Variants in CDKN2B observed in about 807,000 individuals in gnomAD.
CDKN2B encodes cyclin-dependent kinase 4 inhibitor B.
A neutral mutation model predicts 7.7 loss-of-function variants in CDKN2B; 8 were observed. The observed-to-expected ratio is 1.04, with a 90% CI of 0.61 to 1.87. The LOEUF is 1.87. Ranked by LOEUF, CDKN2B falls within the 40% of genes most tolerant of loss-of-function variation. The probability of loss-of-function intolerance (pLI) is 0.00; values close to 1 mark genes in which losing one functional copy is unlikely to be tolerated. For synonymous variants in CDKN2B, 93 were observed against 95.8 expected, an observed-to-expected ratio of 0.97 and a Z score of 0.17; for missense variants, 244 against 213.1, an observed-to-expected ratio of 1.15 and a Z score of -0.90.
In CDKN2B at chr9:22,003,691, G is replaced by A. The variant is rs1335656699; in HGVS notation, c.*2296C>T. The A allele has an allele frequency of 1.3e-5, 3 of 231,278 alleles. No individual in the cohort carries two copies. The highest frequency in any genetic ancestry group is 2.6e-5 in the Non-Finnish European group (3 of 116,960). The allele number at this position is 231,278 out of a possible 1,614,324, so 14.3% of individuals were successfully genotyped here. A position where few individuals can be genotyped will look rare whatever the true frequency, so the allele number is the denominator to read the frequency against. ...ATATATTTTCTGTCCCTGTGCTTCA[G>A]TTTGAAAATGGAGGTTCCATTATCT... On this transcript the variant is annotated 3_prime_UTR_variant, in exon 2 of 2. Transcript: ENST00000276925.
In CDKN2B at chr9:22,004,237, T is replaced by C. The variant is rs1225867617; in HGVS notation, c.*1750A>G. ...AATATGTTCATTTTGGGAATAGGAA[T>C]TGGTAGAGAAGTAAAGATTTGTGTA... On this transcript the variant is annotated 3_prime_UTR_variant, in exon 2 of 2. Transcript: ENST00000276925. 1 of 232,464 alleles carries C rather than the reference T, an allele frequency of 4.3e-6. No individual in the cohort carries two copies. Among genetic ancestry groups the C allele is most frequent in the East Asian group, 6.1e-5 (1 of 16,386 alleles). 14.4% of individuals were successfully genotyped at this position (232,464 alleles called of 1,614,324 possible).
chr9:22,008,407 A>G (rs553807997), intron 1 of CDKN2B, among the ~76,000 whole-genome samples: 35 of 152,280 alleles, frequency 2.3e-4, no homozygotes, highest in African/African-American at 7.7e-4. Flanking sequence ...ATGTACTATG[A>G]TTTTGTAGAA....
In CDKN2B at chr9:22,003,565, T is replaced by A. The variant is rs1235319732; in HGVS notation, c.*2422A>T. 1 of 229,222 alleles carries A rather than the reference T, an allele frequency of 4.4e-6. No homozygotes were observed. The highest frequency in any genetic ancestry group is 8.6e-6 in the Non-Finnish European group (1 of 115,760). 14.2% of individuals were successfully genotyped at this position (229,222 alleles called of 1,614,324 possible). A position where few individuals can be genotyped will look rare whatever the true frequency, so the allele number is the denominator to read the frequency against. On this transcript the variant is annotated 3_prime_UTR_variant, in exon 2 of 2. Coordinates refer to ENST00000276925, the MANE Select transcript of CDKN2B (RefSeq NM_004936.4). ...GGAGATTTTAAAGTATCAACTGACT[T>A]CTTTTATATAGAATGTTTTCTAATA...
At chr9:22,008,711 G>A (rs1358186223) in intron 1 of CDKN2B, 87 bp downstream of exon 1, 2 of 1,611,414 alleles carry the variant, frequency 1.2e-6, no homozygotes, top group Admixed American at 1.7e-5. Flanking sequence ...AATCTACATC[G>A]GCGATCTAGG....
In CDKN2B at chr9:22,003,079, A is replaced by G. The variant is rs551951718; in HGVS notation, c.*2908T>C. 27 of 213,168 alleles carry G rather than the reference A, an allele frequency of 1.3e-4. No homozygotes were observed. Among genetic ancestry groups the G allele is most frequent in the South Asian group, 1.1e-3 (6 of 5,342 alleles). The allele number at this position is 213,168 out of a possible 1,614,324, so 13.2% of individuals were successfully genotyped here. A position where few individuals can be genotyped will look rare whatever the true frequency, so the allele number is the denominator to read the frequency against. ...AGCAGGACTCATGAAAATAGTAACTATATGTTTTGCATGTATCCTTCAAAG... is the reference window on the plus strand; with the variant it reads ...AGCAGGACTCATGAAAATAGTAACTGTATGTTTTGCATGTATCCTTCAAAG... On this transcript the variant is annotated 3_prime_UTR_variant, in exon 2 of 2. Coordinates refer to ENST00000276925, the MANE Select transcript of CDKN2B (RefSeq NM_004936.4).
In CDKN2B at chr9:22,006,047, C is replaced by T. The variant is rs1490156753; in HGVS notation, c.357G>A (p.Leu119=). The T allele has an allele frequency of 6.2e-7, 1 of 1,605,206 alleles. No individual in the cohort carries two copies. The highest frequency in any genetic ancestry group is 8.5e-7 in the Non-Finnish European group (1 of 1,179,580). Residue 119 remains leucine (L), a synonymous_variant, in exon 2 of 2, where the codon TTG becomes TTA. Coordinates refer to ENST00000276925, the MANE Select transcript of CDKN2B (RefSeq NM_004936.4). This position sits in a 1 kb window ranked among gnomAD's most constrained non-coding sequence, Gnocchi z 6.4. ...CGTCGCGGTGGCCCCGCTCCTCGGC[C>T]AAGTCCACGGGCAGACGACCCCAGG... The part of the protein sequence containing the change: ...RDAWGRLPVD[L]AEERGHRDVA...
chr9:22,008,851 C>A lies in CDKN2B; in HGVS notation c.103G>T (p.Glu35Ter), dbSNP rs1263458730. 40 of 1,610,866 alleles carry A rather than the reference C, an allele frequency of 2.5e-5. No homozygotes were observed. The highest frequency in any genetic ancestry group is 3.2e-5 in the Non-Finnish European group (38 of 1,178,930). The stretch of plus-strand genomic sequence containing the variant: ...ACTCCGTTGGGATCCGCGCCGGCTT[C>A]CAGGAGCTGTCGCACCTTCTCCACT... ...GLVEKVRQLL[E>*]AGADPNGVNR... The change falls in exon 1 of 2, where the codon GAA (glutamate) becomes TAA (stop). Residue 35 changes from glutamate (E) to a stop codon, truncating the protein, a stop_gained. Transcript: ENST00000276925. LOFTEE classifies it high-confidence loss of function.
intron 1 of CDKN2B, among the ~76,000 whole-genome samples, chr9:22,008,230 T>C (rs1477054861): frequency 2.0e-5 from 3 of 152,174 alleles, no homozygotes; most frequent in Non-Finnish European, 4.4e-5. Flanking sequence ...GAGAAACCTA[T>C]AGAACTATAT....
Position 22,004,283 on chromosome 9 carries a change from T to C in CDKN2B, c.*1704A>G. On this transcript the variant is annotated 3_prime_UTR_variant, in exon 2 of 2. Coordinates refer to ENST00000276925, the MANE Select transcript of CDKN2B (RefSeq NM_004936.4). ...GTGTATTCAACTCAAATGTACTCCT[T>C]CTTATAAGTCTCCACTCTCAAATGA... The C allele has an allele frequency of 4.3e-6, 1 of 232,526 alleles. No individual in the cohort carries two copies. The highest frequency in any genetic ancestry group is 8.5e-6 in the Non-Finnish European group (1 of 117,616). 14.4% of individuals were successfully genotyped at this position (232,526 alleles called of 1,614,324 possible). A position where few individuals can be genotyped will look rare whatever the true frequency, so the allele number is the denominator to read the frequency against.
rs1475493422 is a variant in CDKN2B at position 22,005,636 on chromosome 9, ATCGGAAGATTCGTAGCC to A, written c.*334_*350del. 1 of 458,180 alleles carries A rather than the reference ATCGGAAGATTCGTAGCC, an allele frequency of 2.2e-6. No homozygotes were observed. The highest frequency in any genetic ancestry group is 4.0e-6 in the Non-Finnish European group (1 of 247,312). 28.4% of individuals were successfully genotyped at this position (458,180 alleles called of 1,614,324 possible). On this transcript the variant is annotated 3_prime_UTR_variant, in exon 2 of 2. Transcript: ENST00000276925. This position sits in a 1 kb window ranked among gnomAD's most constrained non-coding sequence, Gnocchi z 4.9. ...CAGCGCTGGAGTGGGAGATTCATCCATCGGAAGATTCGTAGCCACCAGGTCCAGTCAAGGATTTCATA... is the reference window on the plus strand; with the variant it reads ...CAGCGCTGGAGTGGGAGATTCATCCAACCAGGTCCAGTCAAGGATTTCATA...
intron 1 of CDKN2B, among the ~76,000 whole-genome samples, chr9:22,007,151 G>C (rs565276384): frequency 6.6e-6 from 1 of 152,264 alleles, no homozygotes; most frequent in Non-Finnish European, 1.5e-5. Context: ...CCTGAGGTCA[G>C]GAGTTCGAGA....
At position 22,005,909 on chromosome 9, in the gene CDKN2B, C is replaced by G; in HGVS notation, c.*78G>C. On this transcript the variant is annotated 3_prime_UTR_variant, in exon 2 of 2. Transcript: ENST00000276925. This position sits in a 1 kb window ranked among gnomAD's most constrained non-coding sequence, Gnocchi z 4.9. ...CTTTCCGCCGCTCCCCGTTGGCAGCCTTCATCGAATTAGGTGGGTGGGGGT... is the reference window on the plus strand; with the variant it reads ...CTTTCCGCCGCTCCCCGTTGGCAGCGTTCATCGAATTAGGTGGGTGGGGGT... 6.4e-7 allele frequency: 1 copy of G among 1,556,292 alleles called. No individual in the cohort carries two copies. The highest frequency in any genetic ancestry group is 8.7e-7 in the Non-Finnish European group (1 of 1,154,590).
rs1482203289 is a variant in CDKN2B, at chr9:22,003,509, G to A, written c.*2478C>T. 8.7e-6 allele frequency: 2 copies of A among 228,700 alleles called. No homozygotes were observed. Among genetic ancestry groups the A allele is most frequent in the Non-Finnish European group, 1.7e-5 (2 of 115,494 alleles). 14.2% of individuals were successfully genotyped at this position (228,700 alleles called of 1,614,324 possible). The stretch of plus-strand genomic sequence containing the variant: ...AACATCTTGGAATTTAAGATATAGA[G>A]GTCAAATTAAGGGATTTTATAAACC... On this transcript the variant is annotated 3_prime_UTR_variant, in exon 2 of 2. Coordinates refer to ENST00000276925, the MANE Select transcript of CDKN2B (RefSeq NM_004936.4).
rs1338157142 is a variant in CDKN2B at position 22,009,186 on chromosome 9, G to T, written c.-233C>A. Reference sequence around the variant, plus strand: ...CTGGCGCTCAAGAACCAGCGGGCGCGCCTGGATTGCTTCTGGGAAAAAGCG... The same window carrying T: ...CTGGCGCTCAAGAACCAGCGGGCGCTCCTGGATTGCTTCTGGGAAAAAGCG... On this transcript the variant is annotated 5_prime_UTR_variant, in exon 1 of 2. Transcript: ENST00000276925. 4.7e-6 allele frequency: 3 copies of T among 634,162 alleles called. No homozygotes were observed. The highest frequency in any genetic ancestry group is 8.3e-6 in the Non-Finnish European group (3 of 362,730). 39.3% of individuals were successfully genotyped at this position (634,162 alleles called of 1,614,324 possible). A position where few individuals can be genotyped will look rare whatever the true frequency, so the allele number is the denominator to read the frequency against.
chr9:22,004,466 T>A lies in CDKN2B; in HGVS notation c.*1521A>T, dbSNP rs943818806. 5 of 232,508 alleles carry A rather than the reference T, an allele frequency of 2.2e-5. No homozygotes were observed. The highest frequency in any genetic ancestry group is 4.2e-5 in the Non-Finnish European group (5 of 117,690). 14.4% of individuals were successfully genotyped at this position (232,508 alleles called of 1,614,324 possible). A position where few individuals can be genotyped will look rare whatever the true frequency, so the allele number is the denominator to read the frequency against. The stretch of plus-strand genomic sequence containing the variant: ...TGCTTATGAGCAATTATTACAAACA[T>A]TGAGAGAAGGGAACCCCTGTGAACC... On this transcript the variant is annotated 3_prime_UTR_variant, in exon 2 of 2. Coordinates refer to ENST00000276925, the MANE Select transcript of CDKN2B (RefSeq NM_004936.4).
In CDKN2B at chr9:22,005,777, T is replaced by C; in HGVS notation, c.*210A>G. 2 of 636,488 alleles carry C rather than the reference T, an allele frequency of 3.1e-6. No homozygotes were observed. Among genetic ancestry groups the C allele is most frequent in the South Asian group, 1.9e-5 (1 of 53,558 alleles). The allele number at this position is 636,488 out of a possible 1,614,324, so 39.4% of individuals were successfully genotyped here. ...ATCCGCTTCTCTGTGTTTCGCTTCA[T>C]GGTGAGTGTCGAGGGCCAGATAAGA... is the stretch of plus-strand genomic sequence containing the variant. On this transcript the variant is annotated 3_prime_UTR_variant, in exon 2 of 2. Coordinates refer to ENST00000276925, the MANE Select transcript of CDKN2B (RefSeq NM_004936.4). The surrounding 1 kb of genome is among the most constrained non-coding windows in gnomAD (Gnocchi z 4.9).
At chr9:22,007,561 G>A (rs1406582023) in intron 1 of CDKN2B, among the ~76,000 whole-genome samples, 3 of 151,988 alleles carry the variant, frequency 2.0e-5, no homozygotes, top group Admixed American at 1.3e-4. Context: ...CTAAAATCGA[G>A]TTATTTGTTA....
At chr9:22,008,721 G>T in intron 1 of CDKN2B, 77 bp downstream of exon 1, 1 of 1,611,152 alleles carries the variant, frequency 6.2e-7, no homozygotes. Flanking sequence ...GGCGATCTAG[G>T]TTCCAGCCCC....
chr9:22,003,374 C>A lies in CDKN2B; in HGVS notation c.*2613G>T. Reference sequence around the variant, plus strand: ...TTAGTTTCCCTTAATATCAGGTTGTCATTAGGAAAGATTCCACAAGTTATT... The same window carrying A: ...TTAGTTTCCCTTAATATCAGGTTGTAATTAGGAAAGATTCCACAAGTTATT... On this transcript the variant is annotated 3_prime_UTR_variant, in exon 2 of 2. Transcript: ENST00000276925. 4.5e-6 allele frequency: 1 copy of A among 224,474 alleles called. No individual in the cohort carries two copies. The highest frequency in any genetic ancestry group is 8.9e-6 in the Non-Finnish European group (1 of 112,716). 13.9% of individuals were successfully genotyped at this position (224,474 alleles called of 1,614,324 possible).
Sources: allele counts gnomAD v4.1 joint callset (sites outside exome capture counted in the v4.1 genomes callset), GRCh38; gene constraint gnomAD v4.1.1; non-coding constraint Gnocchi (gnomAD v3.1); transcripts MANE v1.5; gene names NCBI Gene and HGNC (gene_info 2026-07-23, HGNC 2026-07-21).